Variants in SVIL observed in about 807,000 individuals in gnomAD.
SVIL encodes supervillin.
Under a neutral mutation model 240.4 loss-of-function variants are expected in SVIL, and 101 were observed. That is an observed-to-expected ratio of 0.42 (90% CI 0.36 to 0.50). The LOEUF is 0.50. Among genes scored for constraint, SVIL ranks in the 20% least tolerant of loss-of-function variants. The probability of loss-of-function intolerance (pLI) is 0.01; values close to 1 mark genes in which losing one functional copy is unlikely to be tolerated. For missense variants in SVIL, 2,512 were observed against 2,818.7 expected (o/e 0.89, Z 2.46); for synonymous variants, 999 against 1,100.0 (o/e 0.91, Z 1.82).
intron 30 of SVIL, among the ~76,000 whole-genome samples, chr10:29,471,963 C>T (rs1017964736): frequency 6.6e-6 from 1 of 152,152 alleles, no homozygotes; most frequent in Non-Finnish European, 1.5e-5. Flanking sequence ...GACCATGGCT[C>T]ATGCCTGTAG....
intron 33 of SVIL, among the ~76,000 whole-genome samples, chr10:29,466,906 A>T (rs529918888): frequency 6.6e-6 from 1 of 152,304 alleles, no homozygotes; most frequent in South Asian, 2.1e-4. Flanking sequence ...AGCTATATAA[A>T]AGTTTATAAA....
chr10:29,494,037 G>A (rs1948207512), intron 20 of SVIL, among the ~76,000 whole-genome samples: 1 of 152,144 alleles, frequency 6.6e-6, no homozygotes, highest in South Asian at 2.1e-4. Context: ...CAGGCTTGGT[G>A]GTGCACGCCC....
intron 1 of SVIL, among the ~76,000 whole-genome samples, chr10:29,601,338 C>A (rs2505900): frequency 0.41 from 63,089 of 152,122 alleles, 14,104 homozygotes; most frequent in Non-Finnish European, 0.5. Flanking sequence ...AAAATGTGCT[C>A]CTCTGTATCT....
intron 1 of SVIL, among the ~76,000 whole-genome samples, chr10:29,608,146 C>A (rs2479694): frequency 1.3e-5 from 2 of 152,108 alleles, no homozygotes; most frequent in African/African-American, 4.8e-5. Flanking sequence ...ACATTACCCC[C>A]GCCTCCTCAC....
At position 29,610,074 on chromosome 10, in the gene SVIL, C is replaced by A. The variant is rs902853932; in HGVS notation, c.-201+24346G>T. ...GCTCATCACCGTGAAGTCAGAGCAA[C>A]CCCTCACCCTTTTCTCATTTCCACA... On this transcript the variant is annotated intron_variant, in intron 1 of 37. Coordinates refer to ENST00000355867, the MANE Select transcript of SVIL (RefSeq NM_021738.3). Among the ~76,000 whole-genome samples, 10 of 152,286 alleles carry A rather than the reference C, an allele frequency of 6.6e-5. No homozygotes were observed. In the East Asian group the frequency reaches 1.9e-3, roughly 29 times the overall value.
At chr10:29,509,244 C>A (rs561754869) in intron 17 of SVIL, among the ~76,000 whole-genome samples, 1 of 143,946 alleles carries the variant, frequency 6.9e-6, no homozygotes, top group Non-Finnish European at 1.5e-5. Context: ...CTAGACTATA[C>A]CAAGAACAGG....
At position 29,493,357 on chromosome 10, in the gene SVIL, G is replaced by A. The variant is rs747503370; in HGVS notation, c.3876C>T (p.Thr1292=). ...TCATCACCTCCTTCACAGATTTGCC[G>A]GTGACAGTGAGCACCGTTTCGTGCA... ...GGMHETVLTV[T]GKSVKEVMKP... The change falls in exon 21 of 38, where the codon ACC becomes ACT. Residue 1292 remains threonine (T), a synonymous_variant. Coordinates refer to ENST00000355867, the MANE Select transcript of SVIL (RefSeq NM_021738.3). The A allele has an allele frequency of 9.9e-6, 16 of 1,613,980 alleles. No homozygotes were observed. Among genetic ancestry groups the A allele is most frequent in the East Asian group, 2.2e-5 (1 of 44,890 alleles).
In SVIL at chr10:29,567,973, C is replaced by G. The variant is rs538519547; in HGVS notation, c.-143+1282G>C. 4.2e-4 allele frequency among the ~76,000 whole-genome samples: 63 copies of G among 149,676 alleles called. 1 individual carries two copies. The South Asian group carries it at 0.013, about 31-fold the overall frequency. On this transcript the variant is annotated intron_variant, in intron 2 of 37. Transcript: ENST00000355867. ...CGGAGCTTGCAGTGAGCTGAGATCG[C>G]GTCACTGCACTCCAGCCTGGGTGAC... is the stretch of plus-strand genomic sequence containing the variant.
intron 17 of SVIL, among the ~76,000 whole-genome samples, chr10:29,506,793 T>TGG (rs1949379016): frequency 5.6e-5 from 5 of 90,026 alleles, no homozygotes; most frequent in Non-Finnish European, 1.0e-4. Context: ...AGAGGCCCTA[T>TGG]GAGGGAGGGG....
chr10:29,615,712 A>C (rs1957404611), intron 1 of SVIL, among the ~76,000 whole-genome samples: 1 of 152,200 alleles, frequency 6.6e-6, no homozygotes, highest in South Asian at 2.1e-4. Flanking sequence ...TTCATTTCAC[A>C]AATATTTATT....
chr10:29,660,505 G>C (rs185643286), intron 2 of SVIL, among the ~76,000 whole-genome samples: 10 of 152,316 alleles, frequency 6.6e-5, no homozygotes, highest in African/African-American at 1.9e-4. Flanking sequence ...CTACTAGGGA[G>C]GCTGAGGTGG....
chr10:29,671,687 G>C (rs1369828187), intron 2 of SVIL, among the ~76,000 whole-genome samples: 1 of 152,142 alleles, frequency 6.6e-6, no homozygotes, highest in Non-Finnish European at 1.5e-5. Context: ...CATCCATTCA[G>C]ATATTTACCT....
chr10:29,543,797 C>T (rs993172529), intron 6 of SVIL, among the ~76,000 whole-genome samples: 7 of 152,092 alleles, frequency 4.6e-5, no homozygotes, highest in African/African-American at 1.7e-4. Context: ...ACTTAAAAAG[C>T]CTTGTTCTCA....
chr10:29,729,450 G>GGTGTGTGTGTGTGT lies in SVIL; in HGVS notation c.-400+6287_-400+6300dup, dbSNP rs55940009. On this transcript the variant is annotated intron_variant, in intron 1 of 35. Transcript: ENST00000375400. ...CATGCTGGGCCTCTGTGTTTATGGA[G>GGTGTGTGTGTGTGT]GTGTGTGTGTGTGTGTGTGTGTGTG... 6.6e-5 allele frequency among the ~76,000 whole-genome samples: 9 copies of GGTGTGTGTGTGTGT among 136,784 alleles called. No individual in the cohort carries two copies. The East Asian group carries it at 9.0e-4, about 14-fold the overall frequency. The allele number at this position is 136,784 out of a possible 152,430, so 89.7% of individuals were successfully genotyped here.
chr10:29,655,324 C>A (rs903694352), intron 3 of SVIL, among the ~76,000 whole-genome samples: 13 of 152,076 alleles, frequency 8.5e-5, no homozygotes, highest in African/African-American at 3.1e-4. Flanking sequence ...CCTAGACCCC[C>A]CGGCAAGCCA....
At chr10:29,730,685 G>A (rs1360468579) in intron 1 of SVIL, among the ~76,000 whole-genome samples, 1 of 152,196 alleles carries the variant, frequency 6.6e-6, no homozygotes, top group Non-Finnish European at 1.5e-5. Context: ...CTCAGCAACC[G>A]TGAATCATCA....
chr10:29,500,424 G>A (rs1188948626), intron 17 of SVIL, among the ~76,000 whole-genome samples: 1 of 152,126 alleles, frequency 6.6e-6, no homozygotes, highest in Admixed American at 6.5e-5. Flanking sequence ...AGAGCAGAAG[G>A]CACGTCCCTG....
intron 2 of SVIL, among the ~76,000 whole-genome samples, chr10:29,568,567 T>C (rs1328741326): frequency 6.6e-6 from 1 of 152,138 alleles, no homozygotes; most frequent in East Asian, 1.9e-4. Flanking sequence ...TAGACAACAA[T>C]CTACTAAAAA....
intron 1 of SVIL, among the ~76,000 whole-genome samples, chr10:29,610,366 G>A (rs1319564539): frequency 6.6e-6 from 1 of 151,400 alleles, no homozygotes; most frequent in Non-Finnish European, 1.5e-5. Context: ...GACTCCCAAG[G>A]TTTGCCATTG....
Sources: gnomAD v4.1 joint callset for allele counts (sites outside exome capture counted in the v4.1 genomes callset) on GRCh38, gnomAD v4.1.1 for gene constraint, MANE v1.5 for transcripts, NCBI Gene and HGNC (gene_info 2026-07-23, HGNC 2026-07-21) for gene names.